SPATA16: variants seen among roughly 807,000 people sequenced by gnomAD.
SPATA16 encodes the protein spermatogenesis-associated protein 16.
SPATA16 carries 36 observed loss-of-function variants against 63.3 expected under a neutral mutation model. The observed-to-expected ratio is 0.57, with a 90% CI of 0.44 to 0.75. The LOEUF (loss-of-function observed/expected upper bound fraction) is 0.75. Ranked by LOEUF, SPATA16 falls within the 30% of genes least tolerant of loss-of-function variation. The pLI is 0.00. For synonymous variants in SPATA16, 203 were observed against 216.7 expected (o/e 0.94, Z 0.56); for missense variants, 646 against 679.3 (o/e 0.95, Z 0.54).
intron 4 of SPATA16, among the ~76,000 whole-genome samples, chr3:172,985,895 T>A (rs1197568823): frequency 6.6e-6 from 1 of 152,186 alleles, no homozygotes; most frequent in Non-Finnish European, 1.5e-5. Context: ...ATTTAAACTT[T>A]ATTCTATAGA....
intron 1 of SPATA16, among the ~76,000 whole-genome samples, chr3:173,136,528 T>G (rs960445863): frequency 2.0e-5 from 3 of 152,132 alleles, no homozygotes; most frequent in Non-Finnish European, 4.4e-5. Flanking sequence ...TTTTAGTTAT[T>G]TTAAAATGTA....
rs1553802178 is a variant in SPATA16, at chr3:173,093,076, C to CATATAT, written c.612+24038_612+24043dup. ...ACACACACACACACACACACACACA[C>CATATAT]ATATATATATATATGTTTCAAGTTA... On this transcript the variant is annotated intron_variant, in intron 2 of 10. Coordinates refer to ENST00000351008, the MANE Select transcript of SPATA16 (RefSeq NM_031955.6). 1.4e-4 allele frequency among the ~76,000 whole-genome samples: 20 copies of CATATAT among 144,010 alleles called. No homozygotes were observed. In the South Asian group the frequency reaches 2.9e-3, roughly 21 times the overall value. 94.5% of individuals were successfully genotyped at this position (144,010 alleles called of 152,430 possible). A position where few individuals can be genotyped will look rare whatever the true frequency, so the allele number is the denominator to read the frequency against.
In SPATA16 at chr3:173,130,066, A is replaced by G. The variant is rs78509422; in HGVS notation, c.-19+11037T>C. Among the ~76,000 whole-genome samples the G allele has an allele frequency of 2.0e-3, 302 of 152,304 alleles. 13 individuals are homozygous for G. The East Asian group carries it at 0.051, about 26-fold the overall frequency. On this transcript the variant is annotated intron_variant, in intron 1 of 10. Coordinates refer to ENST00000351008, the MANE Select transcript of SPATA16 (RefSeq NM_031955.6). ...AATGGAGACAGGTAAAGATGAACAT[A>G]CAAATCCTATAATCGCCCGGGCGCG...
intron 3 of SPATA16, among the ~76,000 whole-genome samples, chr3:173,034,160 G>C (rs1272034803): frequency 2.6e-5 from 4 of 152,060 alleles, no homozygotes; most frequent in South Asian, 4.1e-4. Flanking sequence ...GAGCCAGAAA[G>C]GTAAATACAT....
intron 5 of SPATA16, among the ~76,000 whole-genome samples, chr3:172,973,784 C>T (rs570623090): frequency 3.9e-5 from 6 of 152,238 alleles, no homozygotes; most frequent in South Asian, 2.1e-4. Context: ...ATAGCTTAGT[C>T]TAAGCCTGAC....
At chr3:172,900,161 C>A (rs912312949) in intron 10 of SPATA16, among the ~76,000 whole-genome samples, 1 of 152,198 alleles carries the variant, frequency 6.6e-6, no homozygotes, top group East Asian at 1.9e-4. Flanking sequence ...CTGAGAATGT[C>A]TTAATTTCTT....
chr3:172,963,511 T>C (rs1733838247), intron 5 of SPATA16, among the ~76,000 whole-genome samples: 1 of 151,944 alleles, frequency 6.6e-6, no homozygotes, highest in South Asian at 2.1e-4. Flanking sequence ...CTATATAATT[T>C]TAGAACATAT....
intron 2 of SPATA16, among the ~76,000 whole-genome samples, chr3:173,075,905 T>C (rs1736790814): frequency 6.6e-6 from 1 of 152,136 alleles, no homozygotes; most frequent in South Asian, 2.1e-4. Flanking sequence ...TATTTCAGAA[T>C]TACTGAAAGA....
At chr3:173,021,720 C>CTTTT (rs1553794048) in intron 3 of SPATA16, among the ~76,000 whole-genome samples, 88 of 115,900 alleles carry the variant, frequency 7.6e-4, no homozygotes, top group Middle Eastern at 4.2e-3. Context: ...TTCCCTATTA[C>CTTTT]TTTTTATTTA....
intron 6 of SPATA16, among the ~76,000 whole-genome samples, chr3:172,947,553 T>C (rs1214862945): frequency 6.6e-6 from 1 of 151,394 alleles, no homozygotes; most frequent in Non-Finnish European, 1.5e-5. Flanking sequence ...AGCAACACGG[T>C]GGTGTAGGGG....
intron 5 of SPATA16, among the ~76,000 whole-genome samples, chr3:172,975,591 G>A (rs1251854031): frequency 6.6e-6 from 1 of 151,958 alleles, no homozygotes; most frequent in Non-Finnish European, 1.5e-5. Flanking sequence ...TTAGTTACAT[G>A]TTCATCAGCC....
chr3:173,050,926 A>G (rs1736072835), intron 2 of SPATA16, among the ~76,000 whole-genome samples: 1 of 152,210 alleles, frequency 6.6e-6, no homozygotes, highest in Non-Finnish European at 1.5e-5. Flanking sequence ...AGAGAATCTG[A>G]CCTCAGAAGT....
At chr3:172,953,698 C>T (rs751289454) in intron 6 of SPATA16, among the ~76,000 whole-genome samples, 14 of 152,174 alleles carry the variant, frequency 9.2e-5, no homozygotes, top group Non-Finnish European at 1.0e-4. Context: ...CAGCCTGCTA[C>T]AGATTGAGAA....
chr3:173,108,114 A>G (rs9834998), intron 2 of SPATA16, among the ~76,000 whole-genome samples: 5,834 of 152,236 alleles, frequency 0.038, 364 homozygotes, highest in African/African-American at 0.13. Flanking sequence ...GATGAAAAAG[A>G]TCTTCCTCAG....
chr3:172,989,866 T>C lies in SPATA16; in HGVS notation c.849-12814A>G, dbSNP rs1734537103. Among the ~76,000 whole-genome samples the C allele has an allele frequency of 2.0e-5, 3 of 152,234 alleles. No individual in the cohort carries two copies. The South Asian group carries it at 6.2e-4, about 31-fold the overall frequency. On this transcript the variant is annotated intron_variant, in intron 4 of 10. Transcript: ENST00000351008. ...ATCTCATTGTTATTAAAATTTTTTC[T>C]TGTGCTTGCAAAACTTATAGAAGCT... is the stretch of plus-strand genomic sequence containing the variant.
At chr3:172,925,628 G>T in intron 6 of SPATA16, 136 bp from the exon 7 acceptor site, 1 of 1,071,032 alleles carries the variant, frequency 9.3e-7, no homozygotes, top group Non-Finnish European at 1.4e-6. Context: ...GTAATATTAT[G>T]TGTATCAAAA....
At chr3:173,034,370 G>A (rs971116408) in intron 3 of SPATA16, among the ~76,000 whole-genome samples, 2 of 152,018 alleles carry the variant, frequency 1.3e-5, no homozygotes, top group Admixed American at 6.6e-5. Flanking sequence ...CTGAAAATTA[G>A]AGGGATTTTT....
chr3:173,135,287 A>C (rs6767656), intron 1 of SPATA16, among the ~76,000 whole-genome samples: 5,137 of 152,282 alleles, frequency 0.034, 280 homozygotes, highest in African/African-American at 0.12. Flanking sequence ...CAGAAGGCCA[A>C]AATTAAGAAG....
intron 2 of SPATA16, among the ~76,000 whole-genome samples, chr3:173,057,629 T>A (rs977615066): frequency 1.3e-5 from 2 of 152,196 alleles, no homozygotes; most frequent in Admixed American, 1.3e-4. Flanking sequence ...TACTGCTAAC[T>A]TAGTATGTGG....
Sources: gnomAD v4.1 joint callset for allele counts (sites outside exome capture counted in the v4.1 genomes callset) on GRCh38, gnomAD v4.1.1 for gene constraint, MANE v1.5 for transcripts, NCBI Gene and HGNC (gene_info 2026-07-23, HGNC 2026-07-21) for gene names.